HS3ST4: variants seen among roughly 807,000 people sequenced by gnomAD.
HS3ST4 encodes heparan sulfate glucosamine 3-O-sulfotransferase 4.
HS3ST4 carries 17 observed loss-of-function variants against 29.2 expected under a neutral mutation model. The observed-to-expected ratio is 0.58, with a 90% CI of 0.40 to 0.87. HS3ST4 has a LOEUF of 0.87. Ranked by LOEUF, HS3ST4 falls within the 40% of genes least tolerant of loss-of-function variation. The probability of loss-of-function intolerance (pLI) is 0.00; values close to 1 mark genes in which losing one functional copy is unlikely to be tolerated. For synonymous variants in HS3ST4, 314 were observed against 285.7 expected (o/e 1.10, Z -1.00); for missense variants, 627 against 634.5 (o/e 0.99, Z 0.13).
intron 1 of HS3ST4, among the ~76,000 whole-genome samples, chr16:25,975,954 C>T (rs1968939419): frequency 6.6e-6 from 1 of 152,174 alleles, no homozygotes; most frequent in African/African-American, 2.4e-5. Context: ...ACATGGGTCC[C>T]TCTCTGCATC....
intron 1 of HS3ST4, among the ~76,000 whole-genome samples, chr16:25,939,026 T>C (rs1968546552): frequency 6.6e-6 from 1 of 152,174 alleles, no homozygotes; most frequent in African/African-American, 2.4e-5. Flanking sequence ...TGATCAGTGA[T>C]GGCTGAATGC....
At chr16:25,751,903 G>A (rs921992526) in intron 1 of HS3ST4, among the ~76,000 whole-genome samples, 21 of 152,150 alleles carry the variant, frequency 1.4e-4, no homozygotes, top group Admixed American at 8.5e-4. Flanking sequence ...AGGTCCCTAC[G>A]TTGTTGTACA....
chr16:25,748,197 C>T (rs567928542), intron 1 of HS3ST4, among the ~76,000 whole-genome samples: 31 of 152,186 alleles, frequency 2.0e-4, no homozygotes, highest in African/African-American at 6.5e-4. Flanking sequence ...CTTGGGTGGG[C>T]GTGCTCACAT....
chr16:26,085,743 G>A (rs572389400), intron 1 of HS3ST4, among the ~76,000 whole-genome samples: 52 of 151,906 alleles, frequency 3.4e-4, no homozygotes, highest in African/African-American at 1.2e-3. Context: ...GCATGGTGAT[G>A]TGCACCTATA....
At chr16:25,758,707 G>T (rs1966771817) in intron 1 of HS3ST4, among the ~76,000 whole-genome samples, 1 of 152,170 alleles carries the variant, frequency 6.6e-6, no homozygotes, top group African/African-American at 2.4e-5. Flanking sequence ...TGTAATCCCA[G>T]CACTTTGGGA....
At chr16:25,755,028 C>T (rs1966748114) in intron 1 of HS3ST4, among the ~76,000 whole-genome samples, 1 of 151,876 alleles carries the variant, frequency 6.6e-6, no homozygotes, top group African/African-American at 2.4e-5. Flanking sequence ...GTCCATCCAT[C>T]TGCCCACCCA....
At chr16:25,788,620 A>AGCG (rs1421507764) in intron 1 of HS3ST4, among the ~76,000 whole-genome samples, 1 of 133,566 alleles carries the variant, frequency 7.5e-6, no homozygotes, top group Non-Finnish European at 1.5e-5. Context: ...AGCTCACTGC[A>AGCG]GCCTCAAACT....
intron 1 of HS3ST4, among the ~76,000 whole-genome samples, chr16:25,842,290 A>G (rs1456491235): frequency 6.6e-6 from 1 of 152,266 alleles, no homozygotes; most frequent in Non-Finnish European, 1.5e-5. Context: ...TAGTCCTGAT[A>G]TTAACATCTA....
chr16:25,880,307 C>A (rs1967881222), intron 1 of HS3ST4, among the ~76,000 whole-genome samples: 2 of 151,986 alleles, frequency 1.3e-5, no homozygotes, highest in Admixed American at 1.3e-4. Context: ...ATTTAGTGTC[C>A]CTCCCAGAGT....
intron 1 of HS3ST4, among the ~76,000 whole-genome samples, chr16:25,823,339 G>T (rs559683004): frequency 2.0e-5 from 3 of 152,226 alleles, no homozygotes; most frequent in Admixed American, 1.3e-4. Context: ...AGAAAGACTT[G>T]TTTCTCTCTG....
chr16:25,874,649 G>A (rs60218192), intron 1 of HS3ST4, among the ~76,000 whole-genome samples: 12,726 of 152,020 alleles, frequency 0.084, 933 homozygotes, highest in African/African-American at 0.2. Context: ...TCATCCATCC[G>A]TCTATCCTTC....
intron 1 of HS3ST4, among the ~76,000 whole-genome samples, chr16:26,131,128 C>A (rs73525832): frequency 0.012 from 1,827 of 152,246 alleles, 35 homozygotes; most frequent in African/African-American, 0.042. Flanking sequence ...AAAATCTACT[C>A]CTATTCTGAG....
At chr16:25,768,121 C>T (rs529638623) in intron 1 of HS3ST4, among the ~76,000 whole-genome samples, 5 of 152,156 alleles carry the variant, frequency 3.3e-5, no homozygotes, top group Non-Finnish European at 4.4e-5. Flanking sequence ...ATGTCTGGGG[C>T]GGAGCAAGAT....
chr16:25,976,854 G>C (rs1382990015), intron 1 of HS3ST4, among the ~76,000 whole-genome samples: 1 of 152,226 alleles, frequency 6.6e-6, no homozygotes, highest in Non-Finnish European at 1.5e-5. Flanking sequence ...AGGAGTGGTA[G>C]ACGGCATGTA....
At chr16:26,042,354 C>CTGTGTGTGTGTG (rs71732983) in intron 1 of HS3ST4, among the ~76,000 whole-genome samples, 10 of 148,544 alleles carry the variant, frequency 6.7e-5, no homozygotes, top group African/African-American at 1.7e-4. Flanking sequence ...GCATTTATCT[C>CTGTGTGTGTGTG]TGTGTGTGTG....
At chr16:26,134,084 C>A (rs986296296) in intron 1 of HS3ST4, among the ~76,000 whole-genome samples, 1 of 151,992 alleles carries the variant, frequency 6.6e-6, no homozygotes, top group Non-Finnish European at 1.5e-5. Context: ...GGCATCAAAC[C>A]CCTTTAATAT....
At chr16:26,052,289 G>A (rs1268752538) in intron 1 of HS3ST4, among the ~76,000 whole-genome samples, 1 of 152,164 alleles carries the variant, frequency 6.6e-6, no homozygotes, top group Non-Finnish European at 1.5e-5. Flanking sequence ...AATCTAGCAT[G>A]AAAATGGACA....
intron 1 of HS3ST4, among the ~76,000 whole-genome samples, chr16:25,918,308 AT>A (rs1555472354): frequency 1.3e-5 from 2 of 152,198 alleles, no homozygotes; most frequent in Non-Finnish European, 2.9e-5. Context: ...CCCTCAGCCT[AT>A]TATAAAGCAG....
At chr16:25,901,809 C>T (rs1161551462) in intron 1 of HS3ST4, among the ~76,000 whole-genome samples, 2 of 152,176 alleles carry the variant, frequency 1.3e-5, no homozygotes, top group African/African-American at 4.8e-5. Flanking sequence ...TTTTCTTGTC[C>T]TCTCACCACT....
Sources: gnomAD v4.1 joint callset for allele counts (sites outside exome capture counted in the v4.1 genomes callset) on GRCh38, gnomAD v4.1.1 for gene constraint, MANE v1.5 for transcripts, NCBI Gene and HGNC (gene_info 2026-07-23, HGNC 2026-07-21) for gene names.